Variants in CRACDL observed in about 807,000 individuals in gnomAD.
CRACDL encodes the protein CRACD like.
CRACDL carries 26 observed loss-of-function variants against 70.6 expected under a neutral mutation model. The observed-to-expected ratio is 0.37, with a 90% CI of 0.27 to 0.51. CRACDL has a LOEUF of 0.51. Ranked by LOEUF, CRACDL falls within the 20% of genes least tolerant of loss-of-function variation. The probability of loss-of-function intolerance (pLI) is 0.94; values close to 1 mark genes in which losing one functional copy is unlikely to be tolerated. For synonymous variants in CRACDL, 618 were observed against 615.2 expected, an observed-to-expected ratio of 1.00 and a Z score of -0.07; for missense variants, 1,283 against 1,376.9, an observed-to-expected ratio of 0.93 and a Z score of 1.08.
chr2:98,875,196 T>C (rs1051146103), intron 1 of CRACDL, among the ~76,000 whole-genome samples: 3 of 152,218 alleles, frequency 2.0e-5, no homozygotes, highest in Admixed American at 6.5e-5. Flanking sequence ...CCCCCGCCCA[T>C]GTACACCACG....
At chr2:98,831,952 C>T (rs1306774787) in intron 5 of CRACDL, among the ~76,000 whole-genome samples, 1 of 152,202 alleles carries the variant, frequency 6.6e-6, no homozygotes, top group African/African-American at 2.4e-5. Flanking sequence ...AGAGCCTCAA[C>T]TATCACATGC....
At chr2:98,804,111 C>A (rs1704193885) in intron 7 of CRACDL, among the ~76,000 whole-genome samples, 1 of 152,212 alleles carries the variant, frequency 6.6e-6, no homozygotes, top group Non-Finnish European at 1.5e-5. Context: ...TCAGATCTGT[C>A]CCAGAGCCAG....
At chr2:98,842,594 C>A (rs548895116) in intron 2 of CRACDL, among the ~76,000 whole-genome samples, 6 of 152,092 alleles carry the variant, frequency 3.9e-5, no homozygotes, top group African/African-American at 7.2e-5. Context: ...CCCCTGGCAA[C>A]CACTTATAAC....
rs1456809096 is a variant in CRACDL at position 98,822,352 on chromosome 2, C to A, written c.1921G>T (p.Gly641Trp). 1 of 1,467,036 alleles carries A rather than the reference C, an allele frequency of 6.8e-7. No homozygotes were observed. The highest frequency in any genetic ancestry group is 1.3e-5 in the South Asian group (1 of 74,920). The allele number at this position is 1,467,036 out of a possible 1,614,324, so 90.9% of individuals were successfully genotyped here. Residue 641 changes from glycine (G) to tryptophan (W), a missense_variant, in exon 7 of 10, where the codon GGG (glycine) becomes TGG (tryptophan). Transcript: ENST00000397899. The surrounding 1 kb of genome is among the most constrained non-coding windows in gnomAD (Gnocchi z 4.9). ...CCGGCCGGGCTGGCCGCCCTGTCCC[C>A]CGAGTCCTGAGGGCCGCGCTCCGCC... ...KLAERGPQDS[G>W]DRAASPAGPR...
At chr2:98,802,880 G>A (rs1704137178) in intron 7 of CRACDL, among the ~76,000 whole-genome samples, 1 of 152,190 alleles carries the variant, frequency 6.6e-6, no homozygotes, top group Non-Finnish European at 1.5e-5. Context: ...TCTGCCTTAA[G>A]GTAAGGCAAC....
intron 1 of CRACDL, among the ~76,000 whole-genome samples, chr2:98,862,171 TG>T (rs1447880570): frequency 1.3e-5 from 2 of 152,156 alleles, no homozygotes; most frequent in African/African-American, 4.8e-5. Context: ...CATGCATGCC[TG>T]CAAAAAGGCT....
At chr2:98,827,986 G>T (rs1423314248) in intron 5 of CRACDL, among the ~76,000 whole-genome samples, 1 of 152,252 alleles carries the variant, frequency 6.6e-6, no homozygotes, top group East Asian at 1.9e-4. Context: ...TCCTTTTGAA[G>T]AAATCTGGCT....
At chr2:98,830,839 C>T (rs1187333346) in intron 5 of CRACDL, among the ~76,000 whole-genome samples, 3 of 152,156 alleles carry the variant, frequency 2.0e-5, no homozygotes, top group African/African-American at 7.2e-5. Flanking sequence ...ACTACCTCTC[C>T]TCTTACTGCC....
At chr2:98,797,585 C>T (rs764260996) in intron 7 of CRACDL, 48 bp from the exon 8 acceptor site, 11 of 1,569,360 alleles carry the variant, frequency 7.0e-6, no homozygotes, top group African/African-American at 1.3e-5. Flanking sequence ...ATTCCCTCTT[C>T]GGTTGCACCC....
In CRACDL at chr2:98,823,032, G is replaced by A. The variant is rs1031823100; in HGVS notation, c.1241C>T (p.Pro414Leu). Residue 414 changes from proline (P) to leucine (L), a missense_variant, in exon 7 of 10, where the codon CCC (proline) becomes CTC (leucine). Around this residue, in one of 2 missense-constraint regions of CRACDL, gnomAD observed 921 missense variants for 881.9 expected, o/e 1.04. Transcript: ENST00000397899. The surrounding 1 kb of genome is among the most constrained non-coding windows in gnomAD (Gnocchi z 4.0). The stretch of plus-strand genomic sequence containing the variant: ...TGAGGTGGCGGCGGGGTCAGTCTCG[G>A]GGGGAGTCGTGTCCCCCTCAGGGAT... ...TAIPEGDTTP[P>L]ETDPAATSEA... 6.5e-7 allele frequency: 1 copy of A among 1,546,786 alleles called. No homozygotes were observed. The highest frequency in any genetic ancestry group is 8.7e-7 in the Non-Finnish European group (1 of 1,148,602).
chr2:98,877,618 G>A (rs1004991440), intron 1 of CRACDL, among the ~76,000 whole-genome samples: 5 of 151,974 alleles, frequency 3.3e-5, no homozygotes, highest in East Asian at 1.9e-4. Flanking sequence ...GTATGGTGGC[G>A]GGTGCCTATA....
At chr2:98,796,584 T>C (rs777711473) in intron 8 of CRACDL, among the ~76,000 whole-genome samples, 18 of 152,336 alleles carry the variant, frequency 1.2e-4, no homozygotes, top group Admixed American at 1.3e-4. Flanking sequence ...TTTATGACAG[T>C]TGGAATAGTT....
chr2:98,905,610 A>G (rs1427661886), intron 1 of CRACDL, among the ~76,000 whole-genome samples: 1 of 150,758 alleles, frequency 6.6e-6, no homozygotes, highest in East Asian at 2.0e-4. Flanking sequence ...GATTTAGTCT[A>G]AGACTGGTGT....
chr2:98,930,942 A>ATG (rs140634438), intron 1 of CRACDL, among the ~76,000 whole-genome samples: 3,518 of 149,724 alleles, frequency 0.023, 93 homozygotes, highest in African/African-American at 0.061. Flanking sequence ...ATGCTCATGT[A>ATG]TGTGTGTGTG....
chr2:98,883,227 G>A (rs559723784), intron 1 of CRACDL, among the ~76,000 whole-genome samples: 72 of 152,310 alleles, frequency 4.7e-4, no homozygotes, highest in African/African-American at 1.7e-3. Context: ...CCTAGGGCAG[G>A]GCAGGTCACC....
Position 98,910,137 on chromosome 2 carries a change from C to G in CRACDL, c.-11+25801G>C, listed in dbSNP as rs144893691. ...GAAGCCGATTTCAGAGACCTCTTAC[C>G]AAGGGGGCTGTGAGCTGGGATGCAC... On this transcript the variant is annotated intron_variant, in intron 1 of 9. Coordinates refer to ENST00000397899, the MANE Select transcript of CRACDL (RefSeq NM_207362.3). 2.5e-3 allele frequency among the ~76,000 whole-genome samples: 383 copies of G among 152,196 alleles called. 3 individuals carry two copies. The highest frequency in any genetic ancestry group is 8.5e-3 in the African/African-American group (355 of 41,526).
At chr2:98,884,438 C>T (rs1707747496) in intron 1 of CRACDL, among the ~76,000 whole-genome samples, 1 of 152,186 alleles carries the variant, frequency 6.6e-6, no homozygotes, top group Non-Finnish European at 1.5e-5. Flanking sequence ...TGGACCTGAA[C>T]CCCACCCTCT....
At chr2:98,919,555 CAAT>C (rs1708750458) in intron 1 of CRACDL, among the ~76,000 whole-genome samples, 1 of 152,090 alleles carries the variant, frequency 6.6e-6, no homozygotes, top group South Asian at 2.1e-4. Context: ...TTTAGCACTT[CAAT>C]GATTTCATTT....
intron 7 of CRACDL, among the ~76,000 whole-genome samples, chr2:98,810,961 A>C (rs1391345582): frequency 6.6e-6 from 1 of 151,016 alleles, no homozygotes; most frequent in South Asian, 2.1e-4. Flanking sequence ...GAGGCAGTTC[A>C]CTCTGATATA....
Sources: gnomAD v4.1 joint callset for allele counts (sites outside exome capture counted in the v4.1 genomes callset) on GRCh38, gnomAD v4.1.1 for gene constraint, gnomAD v4.1.1 regional missense constraint, Gnocchi (gnomAD v3.1) non-coding constraint, MANE v1.5 for transcripts, NCBI Gene and HGNC (gene_info 2026-07-23, HGNC 2026-07-21) for gene names.